The following NBEAL1 variants were observed in gnomAD, a reference collection of about 807,000 sequenced individuals.
NBEAL1 encodes the protein neurobeachin like 1.
In NBEAL1, 273 loss-of-function variants were observed where a neutral mutation model predicts 351.3. That is an observed-to-expected ratio of 0.78 (90% CI 0.70 to 0.86). The LOEUF (loss-of-function observed/expected upper bound fraction) is 0.86. NBEAL1 is among the 40% of genes least tolerant of loss of function. NBEAL1 has a pLI of 0.00. For missense variants in NBEAL1, 2,961 were observed against 3,201.3 expected, an observed-to-expected ratio of 0.92 and a Z score of 1.81; for synonymous variants, 1,050 against 1,086.4, an observed-to-expected ratio of 0.97 and a Z score of 0.66.
At chr2:203,058,700 C>A (rs567666351) in intron 6 of NBEAL1, among the ~76,000 whole-genome samples, 1 of 152,292 alleles carries the variant, frequency 6.6e-6, no homozygotes. Flanking sequence ...CAATGTGGAA[C>A]CAGTTGTTGC....
In NBEAL1 at chr2:203,175,271, C is replaced by T; in HGVS notation, c.6448C>T (p.Gln2150Ter). The T allele has an allele frequency of 1.9e-6, 3 of 1,613,340 alleles. No homozygotes were observed. The highest frequency in any genetic ancestry group is 2.5e-6 in the Non-Finnish European group (3 of 1,179,768). Reference sequence around the variant, plus strand: ...AGAACCGTTCACCACCCTCCACATCCAACTTCAGAGTGGAAGGTATGTTTT... The same window carrying T: ...AGAACCGTTCACCACCCTCCACATCTAACTTCAGAGTGGAAGGTATGTTTT... ...RVEPFTTLHI[Q>*]LQSGRFDCAD... Residue 2150 changes from glutamine to a stop codon, truncating the protein, a stop_gained, in exon 42 of 56, where the codon CAA (glutamine) becomes TAA (stop). Transcript: ENST00000683969. LOFTEE classifies it high-confidence loss of function.
intron 45 of NBEAL1, 138 bp from the exon 46 acceptor site, chr2:203,190,154 G>T: frequency 1.4e-5 from 6 of 414,302 alleles, no homozygotes; most frequent in Non-Finnish European, 1.2e-5. Flanking sequence ...AAAAAAAGAT[G>T]TGTGTACACA....
chr2:203,021,424 T>G (rs2060770509), intron 2 of NBEAL1, among the ~76,000 whole-genome samples: 1 of 151,674 alleles, frequency 6.6e-6, no homozygotes, highest in Non-Finnish European at 1.5e-5. Flanking sequence ...TGAAACCCCA[T>G]CTCTACCAAA....
At chr2:203,148,416 T>A (rs1246774060) in intron 33 of NBEAL1, among the ~76,000 whole-genome samples, 1 of 152,132 alleles carries the variant, frequency 6.6e-6, no homozygotes. Flanking sequence ...TTTAAAATTT[T>A]AACTGTTCTT....
chr2:203,062,550 C>A lies in NBEAL1; in HGVS notation c.515+5097C>A. On this transcript the variant is annotated intron_variant, in intron 6 of 55. Coordinates refer to ENST00000683969, the MANE Select transcript of NBEAL1 (RefSeq NM_001378026.1). The surrounding 1 kb of genome is among the most constrained non-coding windows in gnomAD (Gnocchi z 4.2). ...AAGCTAGGAGCGCAGCCCAGAGACC[C>A]AAAAAGAAGAAAATTTTATATACTA... is the stretch of plus-strand genomic sequence containing the variant. 1 of 202,634 alleles carries A rather than the reference C, an allele frequency of 4.9e-6. No homozygotes were observed. Among genetic ancestry groups the A allele is most frequent in the Non-Finnish European group, 1.0e-5 (1 of 98,018 alleles). 12.6% of individuals were successfully genotyped at this position (202,634 alleles called of 1,614,324 possible).
At chr2:203,027,167 C>T (rs1350532144) in intron 2 of NBEAL1, among the ~76,000 whole-genome samples, 1 of 152,116 alleles carries the variant, frequency 6.6e-6, no homozygotes, top group East Asian at 1.9e-4. Context: ...ATTTGAAATC[C>T]TTTGAAGGTA....
intron 43 of NBEAL1, 147 bp downstream of exon 43, chr2:203,180,659 CTA>C: frequency 1.3e-6 from 1 of 756,936 alleles, no homozygotes; most frequent in Non-Finnish European, 2.0e-6. Flanking sequence ...TGAACTAATG[CTA>C]TGAGTCTTAC....
Position 203,140,130 on chromosome 2 carries a change from G to A in NBEAL1, c.4848+1382G>A, listed in dbSNP as rs569001032. Among the ~76,000 whole-genome samples the A allele has an allele frequency of 3.9e-3, 597 of 151,692 alleles. 12 individuals are homozygous for A. Among genetic ancestry groups the A allele is most frequent in the Middle Eastern group, 0.017 (5 of 292 alleles). ...AGCCTGACCAACATGGAGAAACCCC[G>A]TCTCTACTAAAAATACAAAAAAGTT... is the stretch of plus-strand genomic sequence containing the variant. On this transcript the variant is annotated intron_variant, in intron 31 of 55. Transcript: ENST00000683969.
At chr2:203,187,367 G>GTTTTTTTT (rs71034225) in intron 44 of NBEAL1, among the ~76,000 whole-genome samples, 1 of 87,788 alleles carries the variant, frequency 1.1e-5, no homozygotes, top group Non-Finnish European at 2.1e-5. Context: ...TCTTGCAATG[G>GTTTTTTTT]TTTTTTTTTT....
At chr2:203,129,968 C>T (rs1416066389) in intron 24 of NBEAL1, among the ~76,000 whole-genome samples, 1 of 152,106 alleles carries the variant, frequency 6.6e-6, no homozygotes, top group African/African-American at 2.4e-5. Context: ...TTGAGACTAG[C>T]CTGGGCGGCA....
At chr2:203,201,961 T>C (rs1309218320) in intron 50 of NBEAL1, among the ~76,000 whole-genome samples, 2 of 152,162 alleles carry the variant, frequency 1.3e-5, no homozygotes, top group Non-Finnish European at 2.9e-5. Flanking sequence ...TAAGTTGTTT[T>C]TTTTTAATGA....
At chr2:203,171,606 G>GAAAT (rs1188463582) in intron 39 of NBEAL1, among the ~76,000 whole-genome samples, 1 of 150,770 alleles carries the variant, frequency 6.6e-6, no homozygotes, top group African/African-American at 2.4e-5. Flanking sequence ...CCATTTCTCT[G>GAAAT]AAATAAATAA....
chr2:203,168,348 G>T (rs773015689), intron 38 of NBEAL1, among the ~76,000 whole-genome samples: 1 of 152,266 alleles, frequency 6.6e-6, no homozygotes, highest in Non-Finnish European at 1.5e-5. Context: ...CACTTTGGGA[G>T]GCCGAGGCGG....
chr2:203,138,770 AT>A, intron 31 of NBEAL1, 22 bp downstream of exon 31: 1 of 1,595,746 alleles, frequency 6.3e-7, no homozygotes, highest in Non-Finnish European at 8.5e-7. Context: ...CTTTTATATT[AT>A]TTTCTGTGCT....
chr2:203,191,178 G>C, intron 46 of NBEAL1: 1 of 1,567,028 alleles, frequency 6.4e-7, no homozygotes, highest in Non-Finnish European at 8.7e-7. Flanking sequence ...AAGAGATCCT[G>C]GGGACTGCCC....
rs370861737 is a variant in NBEAL1, at chr2:203,139,557, CTTTTTTTT to C, written c.4848+831_4848+838del. Reference sequence around the variant, plus strand: ...CTGACAACAGGTTGCCCACCCCCACCTTTTTTTTTTTTTTTTTTTTTTTTTTTTTGAGA... The same window carrying C: ...CTGACAACAGGTTGCCCACCCCCACCTTTTTTTTTTTTTTTTTTTTTGAGA... On this transcript the variant is annotated intron_variant, in intron 31 of 55. Transcript: ENST00000683969. Among the ~76,000 whole-genome samples, 28 of 67,642 alleles carry C rather than the reference CTTTTTTTT, an allele frequency of 4.1e-4. No homozygotes were observed. The South Asian group carries it at 5.7e-3, about 14-fold the overall frequency. 44.4% of individuals were successfully genotyped at this position (67,642 alleles called of 152,430 possible). A position where few individuals can be genotyped will look rare whatever the true frequency, so the allele number is the denominator to read the frequency against.
At chr2:203,064,295 C>T (rs2061546547) in intron 6 of NBEAL1, among the ~76,000 whole-genome samples, 1 of 152,132 alleles carries the variant, frequency 6.6e-6, no homozygotes, top group Non-Finnish European at 1.5e-5. Context: ...TCAGTTGATC[C>T]ACCTGCCTCA....
At chr2:203,131,475 C>T (rs1271474808) in intron 25 of NBEAL1, among the ~76,000 whole-genome samples, 1 of 152,190 alleles carries the variant, frequency 6.6e-6, no homozygotes, top group African/African-American at 2.4e-5. Flanking sequence ...CTCAGCCTCG[C>T]TAAGTGCTGG....
chr2:203,045,889 A>G (rs1386381503), intron 3 of NBEAL1, among the ~76,000 whole-genome samples: 1 of 152,240 alleles, frequency 6.6e-6, no homozygotes, highest in African/African-American at 2.4e-5. Flanking sequence ...GTGGCTTATG[A>G]AAAGATTCTG....
Sources: gnomAD v4.1 joint callset for allele counts (sites outside exome capture counted in the v4.1 genomes callset) on GRCh38, gnomAD v4.1.1 for gene constraint, Gnocchi (gnomAD v3.1) non-coding constraint, MANE v1.5 for transcripts, NCBI Gene and HGNC (gene_info 2026-07-23, HGNC 2026-07-21) for gene names.